Variants in PDS5A observed in about 807,000 individuals in gnomAD.
PDS5A encodes the protein sister chromatid cohesion protein PDS5 homolog A.
Under a neutral mutation model 167.1 loss-of-function variants are expected in PDS5A, and 42 were observed. The observed-to-expected ratio is 0.25, with a 90% confidence interval of 0.20 to 0.33. The LOEUF (loss-of-function observed/expected upper bound fraction) is 0.33, where lower values mean the gene tolerates loss of function less well. Among genes scored for constraint, PDS5A ranks in the 10% least tolerant of loss-of-function variants. The probability of loss-of-function intolerance (pLI) is 1.00; values close to 1 mark genes in which losing one functional copy is unlikely to be tolerated. For synonymous variants in PDS5A, 553 were observed against 554.6 expected, an observed-to-expected ratio of 1.00 and a Z score of 0.04; for missense variants, 1,033 against 1,605.9, an observed-to-expected ratio of 0.64 and a Z score of 6.10.
intron 10 of PDS5A, 182 bp from the exon 11 acceptor site, chr4:39,908,722 G>A (rs1258663657): frequency 3.5e-6 from 2 of 565,276 alleles, no homozygotes; most frequent in East Asian, 3.0e-5. Context: ...TCACAAAACT[G>A]CACTTTAAAC....
chr4:39,918,047 T>C (rs1724558121), intron 7 of PDS5A, among the ~76,000 whole-genome samples: 1 of 151,954 alleles, frequency 6.6e-6, no homozygotes, highest in Non-Finnish European at 1.5e-5. Flanking sequence ...GGTGTGGTAG[T>C]GCATGCCTAT....
In PDS5A at chr4:39,976,567, G is replaced by A. The variant is rs1481784098; in HGVS notation, c.11C>T (p.Thr4Ile). Residue 4 changes from threonine (T) to isoleucine (I), a missense_variant, in exon 2 of 33, where the codon ACC (threonine) becomes ATC (isoleucine). Thr to Ile is a moderately conservative substitution (Grantham distance 89). Transcript: ENST00000303538. Reference protein sequence around the residue: MDFTAQPKPATALC... With the variant: MDFIAQPKPATALC... ...GGCAGTGGCAGGCTTGGGCTGCGCGGTGAAGTCCATCCTGGGGGACAACTT... is the reference window on the plus strand; with the variant it reads ...GGCAGTGGCAGGCTTGGGCTGCGCGATGAAGTCCATCCTGGGGGACAACTT... 1 of 1,611,518 alleles carries A rather than the reference G, an allele frequency of 6.2e-7. No homozygotes were observed. Among genetic ancestry groups the A allele is most frequent in the Non-Finnish European group, 8.5e-7 (1 of 1,178,084 alleles).
chr4:39,875,798 G>A (rs1420801129), intron 19 of PDS5A, among the ~76,000 whole-genome samples: 1 of 152,138 alleles, frequency 6.6e-6, no homozygotes, highest in Non-Finnish European at 1.5e-5. Flanking sequence ...TTACCAGACT[G>A]AGATTTCTTA....
intron 11 of PDS5A, among the ~76,000 whole-genome samples, chr4:39,904,624 G>A (rs761500276): frequency 9.9e-5 from 15 of 152,258 alleles, no homozygotes; most frequent in Admixed American, 5.2e-4. Flanking sequence ...GAGCCACCGC[G>A]CCCAGCCTAC....
At chr4:39,943,575 G>A (rs1482746386) in intron 2 of PDS5A, among the ~76,000 whole-genome samples, 1 of 147,508 alleles carries the variant, frequency 6.8e-6, no homozygotes. Flanking sequence ...CTTGAGGTCA[G>A]GAGTTCGAGA....
chr4:39,943,663 C>T (rs936519894), intron 2 of PDS5A, among the ~76,000 whole-genome samples: 1 of 150,606 alleles, frequency 6.6e-6, no homozygotes, highest in African/African-American at 2.4e-5. Context: ...AAAAATTAGC[C>T]AGATGTGGTG....
At chr4:39,926,556 A>T (rs922844038) in intron 4 of PDS5A, among the ~76,000 whole-genome samples, 1 of 151,710 alleles carries the variant, frequency 6.6e-6, no homozygotes, top group African/African-American at 2.4e-5. Flanking sequence ...CAAACAAAAG[A>T]TATAGTTTCA....
intron 2 of PDS5A, among the ~76,000 whole-genome samples, chr4:39,934,612 T>C (rs1037279390): frequency 1.5e-5 from 2 of 131,632 alleles, no homozygotes; most frequent in Non-Finnish European, 3.4e-5. Context: ...TTTCTTTTTT[T>C]TTCTTTTTTT....
At chr4:39,949,993 C>T (rs992048771) in intron 2 of PDS5A, among the ~76,000 whole-genome samples, 32 of 151,940 alleles carry the variant, frequency 2.1e-4, no homozygotes, top group African/African-American at 7.7e-4. Context: ...ACAACCTCCA[C>T]CTCCCGAGTT....
At chr4:39,863,297 T>A in intron 24 of PDS5A, 39 bp downstream of exon 24, 3 of 1,482,062 alleles carry the variant, frequency 2.0e-6, no homozygotes, top group Non-Finnish European at 2.8e-6. Flanking sequence ...TATTCAACTT[T>A]GAAGATAAGT....
At chr4:39,884,344 G>C (rs919202935) in intron 17 of PDS5A, among the ~76,000 whole-genome samples, 2 of 152,176 alleles carry the variant, frequency 1.3e-5, no homozygotes, top group African/African-American at 4.8e-5. Context: ...CCTTTAACAT[G>C]CTCAAGCCTC....
chr4:39,921,704 A>C (rs1724992557), intron 6 of PDS5A, among the ~76,000 whole-genome samples: 1 of 151,972 alleles, frequency 6.6e-6, no homozygotes, highest in Non-Finnish European at 1.5e-5. Context: ...ATGAGCCAAG[A>C]TAGTGCCGCT....
intron 26 of PDS5A, among the ~76,000 whole-genome samples, chr4:39,852,276 C>T (rs1215891422): frequency 1.3e-5 from 2 of 152,028 alleles, no homozygotes; most frequent in East Asian, 3.8e-4. Context: ...GATATTAAAA[C>T]AGCATTTTTT....
intron 30 of PDS5A, among the ~76,000 whole-genome samples, chr4:39,842,939 T>TATATATATATA (rs1560419736): frequency 6.3e-5 from 2 of 31,824 alleles, no homozygotes; most frequent in African/African-American, 4.0e-4. Context: ...ATATATATAT[T>TATATATATATA]TTAAGAGACA....
At chr4:39,844,063 T>A (rs1318947122) in intron 30 of PDS5A, among the ~76,000 whole-genome samples, 2 of 151,860 alleles carry the variant, frequency 1.3e-5, no homozygotes, top group Admixed American at 1.3e-4. Flanking sequence ...AGCGAGAAGA[T>A]CCCTAGAGCC....
intron 2 of PDS5A, among the ~76,000 whole-genome samples, chr4:39,974,742 G>A (rs1422557521): frequency 1.3e-5 from 2 of 151,972 alleles, no homozygotes; most frequent in African/African-American, 4.8e-5. Context: ...CCAGACCTCG[G>A]GTGATTTGCC....
At chr4:39,839,955 A>G (rs927773262) in intron 31 of PDS5A, among the ~76,000 whole-genome samples, 23 of 151,702 alleles carry the variant, frequency 1.5e-4, no homozygotes, top group Non-Finnish European at 3.1e-4. Flanking sequence ...TTAGCTGGGC[A>G]TGGTGGTGCG....
chr4:39,902,836 G>A (rs1722997037), intron 12 of PDS5A, among the ~76,000 whole-genome samples: 2 of 152,062 alleles, frequency 1.3e-5, no homozygotes, highest in South Asian at 4.1e-4. Context: ...AACATTTTAA[G>A]TTTTAACCAT....
At chr4:39,964,542 A>C (rs571603493) in intron 2 of PDS5A, among the ~76,000 whole-genome samples, 8 of 152,170 alleles carry the variant, frequency 5.3e-5, no homozygotes, top group Non-Finnish European at 1.2e-4. Context: ...CCAAAACTAC[A>C]ACAAATTTAA....
Sources: gnomAD v4.1 joint callset for allele counts (sites outside exome capture counted in the v4.1 genomes callset) on GRCh38, gnomAD v4.1.1 for gene constraint, MANE v1.5 for transcripts, NCBI Gene and HGNC (gene_info 2026-07-23, HGNC 2026-07-21) for gene names.